PDXDC1: variants seen among roughly 807,000 people sequenced by gnomAD.
PDXDC1 encodes the protein pyridoxal-dependent decarboxylase domain-containing protein 1.
PDXDC1 carries 42 observed loss-of-function variants against 100.1 expected under a neutral mutation model. The observed-to-expected ratio is 0.42, with a 90% CI of 0.33 to 0.54. The LOEUF (loss-of-function observed/expected upper bound fraction) is 0.54. Ranked by LOEUF, PDXDC1 falls within the 20% of genes least tolerant of loss-of-function variation. The probability of loss-of-function intolerance (pLI) is 0.10; values close to 1 mark genes in which losing one functional copy is unlikely to be tolerated. For synonymous variants in PDXDC1, 260 were observed against 371.7 expected (o/e 0.70, Z 3.46); for missense variants, 636 against 979.2 (o/e 0.65, Z 4.68).
chr16:14,976,139 G>C (rs1421334769), intron 1 of PDXDC1, among the ~76,000 whole-genome samples: 3 of 152,286 alleles, frequency 2.0e-5, no homozygotes, highest in South Asian at 2.1e-4. Context: ...GTTTCTTCAC[G>C]GATTCCTGCT....
chr16:15,124,346 A>G (rs1360104846), intron 16 of PDXDC1, among the ~76,000 whole-genome samples: 1 of 152,212 alleles, frequency 6.6e-6, no homozygotes, highest in Admixed American at 6.5e-5. Flanking sequence ...GCTGAAAACC[A>G]CTGCTTTAAA....
intron 4 of PDXDC1, among the ~76,000 whole-genome samples, chr16:15,002,619 CAT>C (rs1369526359): frequency 6.6e-6 from 1 of 152,296 alleles, no homozygotes; most frequent in Non-Finnish European, 1.5e-5. Context: ...CAACTTTCGA[CAT>C]GTGTCACTTC....
At chr16:15,085,293 T>G (rs2045873392) in intron 16 of PDXDC1, among the ~76,000 whole-genome samples, 1 of 151,688 alleles carries the variant, frequency 6.6e-6, no homozygotes, top group Admixed American at 6.6e-5. Flanking sequence ...GCAGTCTACT[T>G]ATTAGAATAG....
At chr16:15,075,365 G>C (rs1157789302) in intron 16 of PDXDC1, among the ~76,000 whole-genome samples, 1 of 151,944 alleles carries the variant, frequency 6.6e-6, no homozygotes, top group African/African-American at 2.4e-5. Context: ...TTGAGCTCAG[G>C]AACTTGAGAC....
intron 8 of PDXDC1, among the ~76,000 whole-genome samples, chr16:15,010,869 A>G (rs1473065056): frequency 1.3e-5 from 2 of 152,412 alleles, no homozygotes; most frequent in East Asian, 3.9e-4. Context: ...AAATTTATGG[A>G]TAAATTTAAC....
At chr16:15,073,022 G>A in intron 16 of PDXDC1, 1 of 1,613,262 alleles carries the variant, frequency 6.2e-7, no homozygotes, top group South Asian at 1.1e-5. Flanking sequence ...ACAGGAGTTT[G>A]TCAAAGATGT....
At chr16:15,090,589 A>G (rs1229494337) in intron 16 of PDXDC1, among the ~76,000 whole-genome samples, 3 of 152,266 alleles carry the variant, frequency 2.0e-5, no homozygotes, top group Non-Finnish European at 4.4e-5. Context: ...CAGCAAGACC[A>G]CATCTCTTAA....
intron 16 of PDXDC1, among the ~76,000 whole-genome samples, chr16:15,100,380 T>G (rs1464142093): frequency 6.6e-6 from 1 of 152,260 alleles, no homozygotes; most frequent in Non-Finnish European, 1.5e-5. Flanking sequence ...CACATATATG[T>G]GTATGTATAC....
chr16:15,081,077 CTGAG>C (rs1326304273), intron 16 of PDXDC1, among the ~76,000 whole-genome samples: 1 of 152,146 alleles, frequency 6.6e-6, no homozygotes, highest in Non-Finnish European at 1.5e-5. Context: ...CTTTTCATTG[CTGAG>C]TAATATTCCA....
intron 1 of PDXDC1, chr16:14,990,220 C>A: frequency 1.0e-6 from 1 of 961,304 alleles, no homozygotes. Context: ...GCCCAGCCCA[C>A]CGGCCCGGCC....
At chr16:15,145,160 C>T in the PDXDC1 span, among the ~76,000 whole-genome samples, 3 of 152,194 alleles carry the variant, frequency 2.0e-5, no homozygotes, top group Admixed American at 2.0e-4. Context: ...ATGGAGGAAG[C>T]CAAGGTAGGA....
At position 15,091,893 on chromosome 16, in the gene PDXDC1, T is replaced by C. The variant is rs141685120; in HGVS notation, c.1400-46986T>C. ...GTAAGTTCCTCAAAAAATAAAATGC[T>C]GTAGGCCAGGCATGGTGGCTCACGT... On this transcript the variant is annotated intron_variant, in intron 16 of 16. Coordinates refer to the PDXDC1 transcript ENST00000535621. 4.9e-3 allele frequency among the ~76,000 whole-genome samples: 741 copies of C among 152,282 alleles called. 19 individuals carry two copies. In the East Asian group the frequency reaches 0.061, roughly 13 times the overall value.
Position 15,036,123 on chromosome 16 carries a change from C to T in PDXDC1, c.2215C>T (p.Pro739Ser). Reference protein sequence around the residue: ...LEKVERLSSGPEQITLEASST... With the variant: ...LEKVERLSSGSEQITLEASST... ...AAAGGTGGAGCGCCTATCCAGTGGG[C>T]CGGAGCAGATCACCCTCGAGGCCAG... The change falls in exon 23 of 23, where the codon CCG (proline) becomes TCG (serine). Residue 739 changes from proline (P) to serine (S), a missense_variant. This residue lies in a region of PDXDC1 where 452 missense variants were observed against 402.9 expected (regional missense o/e 1.12). Transcript: ENST00000396410. The T allele has an allele frequency of 6.2e-7, 1 of 1,614,122 alleles. No homozygotes were observed. The highest frequency in any genetic ancestry group is 8.5e-7 in the Non-Finnish European group (1 of 1,180,030).
chr16:14,975,008 G>A (rs571535040), upstream of PDXDC1: 2 of 1,535,068 alleles, frequency 1.3e-6, no homozygotes, highest in Non-Finnish European at 8.7e-7. Flanking sequence ...CCAGCGCTAC[G>A]GGGCCCCGCC....
At chr16:15,092,606 T>A in intron 16 of PDXDC1, 1 of 1,602,938 alleles carries the variant, frequency 6.2e-7, no homozygotes. Flanking sequence ...TGCACGCATA[T>A]TTGAAATCCT....
intron 14 of PDXDC1, among the ~76,000 whole-genome samples, chr16:15,028,459 CCAAG>C: frequency 6.6e-6 from 1 of 152,304 alleles, no homozygotes; most frequent in South Asian, 2.1e-4. Flanking sequence ...AATGTAAGCT[CCAAG>C]ATGACAGAAA....
chr16:14,983,400 GT>G (rs573073578), intron 1 of PDXDC1, among the ~76,000 whole-genome samples: 127 of 148,810 alleles, frequency 8.5e-4, no homozygotes, highest in African/African-American at 3.1e-3. Flanking sequence ...GTGAAACCCC[GT>G]CTCTACTAAA....
chr16:15,053,818 G>T (rs7404621), intron 16 of PDXDC1, among the ~76,000 whole-genome samples: 109,040 of 152,074 alleles, frequency 0.72, 41,216 homozygotes, highest in Admixed American at 0.84. Context: ...GGCTGAGGCA[G>T]GAGAATCGCT....
At chr16:15,033,032 C>A (rs957052389) in intron 18 of PDXDC1, 53 bp downstream of exon 18, 1 of 1,203,812 alleles carries the variant, frequency 8.3e-7, no homozygotes, top group Non-Finnish European at 1.2e-6. Flanking sequence ...CACTTGGTAA[C>A]CGGCTTTGAA....
Sources: gnomAD v4.1 joint callset for allele counts (sites outside exome capture counted in the v4.1 genomes callset) on GRCh38, gnomAD v4.1.1 for gene constraint, gnomAD v4.1.1 regional missense constraint, MANE v1.5 for transcripts, NCBI Gene and HGNC (gene_info 2026-07-23, HGNC 2026-07-21) for gene names.